Variants in RB1 observed in about 807,000 individuals in gnomAD.
RB1 encodes RB transcriptional corepressor 1.
RB1 carries 18 observed loss-of-function variants against 135.4 expected under a neutral mutation model. The ratio of observed to expected loss-of-function variants is 0.13; its 90% CI spans 0.09 to 0.20. The LOEUF is 0.20. Ranked by LOEUF, RB1 falls within the 10% of genes least tolerant of loss-of-function variation. The probability of loss-of-function intolerance (pLI) is 1.00; values close to 1 mark genes in which losing one functional copy is unlikely to be tolerated. For missense variants in RB1, 868 were observed against 1,110.0 expected (o/e 0.78, Z 3.10); for synonymous variants, 365 against 373.2 (o/e 0.98, Z 0.25).
chr13:48,387,934 T>G (rs191875881), intron 17 of RB1, among the ~76,000 whole-genome samples: 88 of 152,272 alleles, frequency 5.8e-4, no homozygotes, highest in Non-Finnish European at 1.1e-3. Flanking sequence ...ACAACCATGT[T>G]TGTTTTTGCC....
chr13:48,344,986 T>G (rs570661443), intron 3 of RB1, 94 bp from the exon 4 acceptor site: 19 of 1,415,960 alleles, frequency 1.3e-5, no homozygotes, highest in Non-Finnish European at 1.8e-5. Flanking sequence ...GTAGAGCTGA[T>G]AATCTTTTGA....
chr13:48,440,739 G>T (rs1046930172), intron 17 of RB1, among the ~76,000 whole-genome samples: 3 of 152,086 alleles, frequency 2.0e-5, no homozygotes, highest in Non-Finnish European at 4.4e-5. Context: ...AGGTAAAAAA[G>T]AGACATCTCT....
chr13:48,380,579 A>G (rs747246464), intron 16 of RB1, among the ~76,000 whole-genome samples: 7 of 152,318 alleles, frequency 4.6e-5, no homozygotes, highest in African/African-American at 1.7e-4. Context: ...CTGATATGGA[A>G]GCACTGCTGT....
intron 20 of RB1, among the ~76,000 whole-genome samples, chr13:48,460,331 A>T (rs1007235642): frequency 1.3e-5 from 2 of 152,044 alleles, no homozygotes; most frequent in Non-Finnish European, 2.9e-5. Flanking sequence ...AATTTATTAG[A>T]CTTAATATAT....
In RB1 at chr13:48,476,742, C is replaced by T. The variant is rs1351381552; in HGVS notation, c.2562C>T (p.Asn854=). The change falls in exon 25 of 27, where the codon AAC becomes AAT. Residue 854 remains asparagine (N), a synonymous_variant. Transcript: ENST00000267163. Reference sequence around the variant, plus strand: ...AGAAAATAAATCAGATGGTATGTAACAGCGACCGTGTGCTCAAAAGAAGTG... The same window carrying T: ...AGAAAATAAATCAGATGGTATGTAATAGCGACCGTGTGCTCAAAAGAAGTG... ...KFQKINQMVC[N]SDRVLKRSAE... 1 of 1,613,386 alleles carries T rather than the reference C, an allele frequency of 6.2e-7. No individual in the cohort carries two copies. Among genetic ancestry groups the T allele is most frequent in the Non-Finnish European group, 8.5e-7 (1 of 1,179,482 alleles).
intron 3 of RB1, among the ~76,000 whole-genome samples, chr13:48,344,005 G>T (rs1362621536): frequency 6.6e-6 from 1 of 152,144 alleles, no homozygotes; most frequent in Non-Finnish European, 1.5e-5. Flanking sequence ...CTCATTGGTT[G>T]CTGGACAGCC....
At chr13:48,378,342 T>A (rs907696393) in intron 13 of RB1, among the ~76,000 whole-genome samples, 2 of 152,194 alleles carry the variant, frequency 1.3e-5, no homozygotes, top group Admixed American at 1.3e-4. Flanking sequence ...TGTACACTTT[T>A]TTCTATTTAA....
intron 2 of RB1, among the ~76,000 whole-genome samples, chr13:48,324,850 TTTTG>T (rs150575722): frequency 0.21 from 32,055 of 150,760 alleles, 3,456 homozygotes; most frequent in South Asian, 0.26. Context: ...TTTGTTTTTT[TTTTG>T]TTTGTTTGTT....
At chr13:48,387,864 A>G (rs1948582623) in intron 17 of RB1, among the ~76,000 whole-genome samples, 1 of 152,142 alleles carries the variant, frequency 6.6e-6, no homozygotes, top group African/African-American at 2.4e-5. Context: ...TTTTGAGTCC[A>G]AAAAGTTTGA....
At position 48,319,329 on chromosome 13, in the gene RB1, TC is replaced by T; in HGVS notation, c.264+11927del. On this transcript the variant is annotated intron_variant, in intron 2 of 26. Transcript: ENST00000267163. The surrounding 1 kb of genome is among the most constrained non-coding windows in gnomAD (Gnocchi z 5.0). ...CCGGCGCTGGGCCCTCTGGGGCAGG[TC>T]CCCGTTGGCCTCCTTGCGTGTTTGC... 1 of 560,262 alleles carries T rather than the reference TC, an allele frequency of 1.8e-6. No individual in the cohort carries two copies. 34.7% of individuals were successfully genotyped at this position (560,262 alleles called of 1,614,324 possible).
rs2138123437 is a variant in RB1 at position 48,368,590 on chromosome 13, A to G, written c.1113A>G (p.Pro371=). Residue 371 remains proline, a synonymous_variant, in exon 11 of 27, where the codon CCA becomes CCG. Coordinates refer to ENST00000267163, the MANE Select transcript of RB1 (RefSeq NM_000321.3). ...ATGAAGAGGTGAATGTAATTCCTCC[A>G]CACACTCCAGTTAGGTATGAATTTT... The part of the protein sequence containing the change: ...NLDEEVNVIP[P]HTPVRTVMNT... 6.2e-7 allele frequency: 1 copy of G among 1,613,476 alleles called. No individual in the cohort carries two copies. Among genetic ancestry groups the G allele is most frequent in the Non-Finnish European group, 8.5e-7 (1 of 1,179,694 alleles).
rs1952457343 is a variant in RB1 at position 48,342,723 on chromosome 13, T to C, written c.380+9T>C. The C allele has an allele frequency of 1.3e-6, 2 of 1,555,658 alleles. No homozygotes were observed. Among genetic ancestry groups the C allele is most frequent in the Non-Finnish European group, 1.8e-6 (2 of 1,127,306 alleles). Reference sequence around the variant, plus strand: ...AAAAACATAGAAATCAGGTAAAGTTTCTTGTATAAATATAAGCCTCTGCCA... The same window carrying C: ...AAAAACATAGAAATCAGGTAAAGTTCCTTGTATAAATATAAGCCTCTGCCA... On this transcript the variant is annotated intron_variant, in intron 3 of 26. Coordinates refer to ENST00000267163, the MANE Select transcript of RB1 (RefSeq NM_000321.3).
chr13:48,332,219 G>A (rs1231384326), intron 2 of RB1, among the ~76,000 whole-genome samples: 1 of 152,194 alleles, frequency 6.6e-6, no homozygotes, highest in East Asian at 1.9e-4. Flanking sequence ...TAGCAGGGGT[G>A]GGGAGCCTGG....
In RB1 at chr13:48,319,283, G is replaced by A. The variant is rs1031684136; in HGVS notation, c.264+11877G>A. 1.1e-5 allele frequency: 8 copies of A among 758,220 alleles called. No homozygotes were observed. The highest frequency in any genetic ancestry group is 1.6e-5 in the Non-Finnish European group (8 of 490,278). The allele number at this position is 758,220 out of a possible 1,614,324, so 47.0% of individuals were successfully genotyped here. The stretch of plus-strand genomic sequence containing the variant: ...GTGGCGCTGCTTGTGCTGTGTGCGG[G>A]GTCAGGCGTCCTCTCTCCTCCCGGC... On this transcript the variant is annotated intron_variant, in intron 2 of 26. Transcript: ENST00000267163. This position sits in a 1 kb window ranked among gnomAD's most constrained non-coding sequence, Gnocchi z 5.0.
chr13:48,384,446 T>G (rs1411289002), intron 17 of RB1, among the ~76,000 whole-genome samples: 1 of 152,162 alleles, frequency 6.6e-6, no homozygotes, highest in East Asian at 1.9e-4. Context: ...CACAGACTTT[T>G]TTTTAAAATT....
chr13:48,328,314 G>A, intron 2 of RB1: 1 of 1,589,962 alleles, frequency 6.3e-7, no homozygotes, highest in Non-Finnish European at 8.6e-7. Context: ...TGGAGCAAGA[G>A]TTGGAACAGT....
chr13:48,346,760 C>A (rs551384873), intron 4 of RB1, among the ~76,000 whole-genome samples: 1 of 152,012 alleles, frequency 6.6e-6, no homozygotes, highest in South Asian at 2.1e-4. Context: ...AGGAAGAAAC[C>A]TAGACCACTA....
At chr13:48,477,706 A>G (rs1328683085) in intron 26 of RB1, among the ~76,000 whole-genome samples, 1 of 152,194 alleles carries the variant, frequency 6.6e-6, no homozygotes, top group Non-Finnish European at 1.5e-5. Context: ...AGAACTACAA[A>G]GAGGAGCTAT....
At chr13:48,370,594 G>A (rs198615) in intron 11 of RB1, among the ~76,000 whole-genome samples, 138,797 of 152,234 alleles carry the variant, frequency 0.91, 63,974 homozygotes, top group East Asian at 1. Flanking sequence ...TACAAAGGAT[G>A]CAGATGTAAA....
Sources: gnomAD v4.1 joint callset for allele counts (sites outside exome capture counted in the v4.1 genomes callset) on GRCh38, gnomAD v4.1.1 for gene constraint, Gnocchi (gnomAD v3.1) non-coding constraint, MANE v1.5 for transcripts, NCBI Gene and HGNC (gene_info 2026-07-23, HGNC 2026-07-21) for gene names.